Variants in FSTL4 observed in about 807,000 individuals in gnomAD.
The protein encoded by FSTL4 is follistatin like 4.
Under a neutral mutation model 78.2 loss-of-function variants are expected in FSTL4, and 28 were observed. That is an observed-to-expected ratio of 0.36 (90% CI 0.27 to 0.49). FSTL4 has a LOEUF of 0.49. FSTL4 is among the 20% of genes least tolerant of loss of function. The pLI is 0.98. For synonymous variants in FSTL4, 422 were observed against 440.5 expected, an observed-to-expected ratio of 0.96 and a Z score of 0.53; for missense variants, 922 against 1,084.9, an observed-to-expected ratio of 0.85 and a Z score of 2.11.
chr5:133,349,229 CCAAA>C (rs889068068), intron 4 of FSTL4, among the ~76,000 whole-genome samples: 3 of 151,854 alleles, frequency 2.0e-5, no homozygotes, highest in Non-Finnish European at 2.9e-5. Flanking sequence ...GGGAAGAACA[CCAAA>C]CACTCTTTTA....
At chr5:133,479,939 T>C (rs901318498) in intron 3 of FSTL4, among the ~76,000 whole-genome samples, 2 of 152,156 alleles carry the variant, frequency 1.3e-5, no homozygotes, top group African/African-American at 4.8e-5. Flanking sequence ...TGCACAGCAG[T>C]GTGGCTAATG....
chr5:133,464,555 T>C (rs1010886364), intron 3 of FSTL4, among the ~76,000 whole-genome samples: 2 of 152,218 alleles, frequency 1.3e-5, no homozygotes, highest in African/African-American at 2.4e-5. Flanking sequence ...ATTTGACTCC[T>C]GTGGCACAAG....
intron 6 of FSTL4, among the ~76,000 whole-genome samples, chr5:133,258,915 A>G (rs1372783852): frequency 6.6e-6 from 1 of 152,212 alleles, no homozygotes; most frequent in East Asian, 1.9e-4. Context: ...AGAATGTTCT[A>G]ACAAGAGTAG....
At chr5:133,442,327 A>G (rs1209046146) in intron 3 of FSTL4, among the ~76,000 whole-genome samples, 2 of 152,332 alleles carry the variant, frequency 1.3e-5, no homozygotes, top group Admixed American at 6.5e-5. Context: ...TCAGCTCCCA[A>G]TAACTTCTCT....
chr5:133,417,592 A>G (rs1006849122), intron 3 of FSTL4, among the ~76,000 whole-genome samples: 36 of 152,204 alleles, frequency 2.4e-4, no homozygotes, highest in African/African-American at 8.2e-4. Context: ...ACAACTGAAA[A>G]CCAAAGATAA....
the FSTL4 span, among the ~76,000 whole-genome samples, chr5:133,627,970 T>G: frequency 6.6e-6 from 1 of 152,048 alleles, no homozygotes; most frequent in Non-Finnish European, 1.5e-5. Flanking sequence ...TTACATTATA[T>G]AAAACTCACT....
chr5:133,257,146 GC>G (rs1010109554), intron 6 of FSTL4, among the ~76,000 whole-genome samples: 46 of 152,226 alleles, frequency 3.0e-4, no homozygotes, highest in African/African-American at 1.1e-3. Context: ...TATTTATGGA[GC>G]TGGTACCAGG....
chr5:133,528,917 T>C (rs1053981395), intron 3 of FSTL4, among the ~76,000 whole-genome samples: 1 of 152,224 alleles, frequency 6.6e-6, no homozygotes, highest in African/African-American at 2.4e-5. Flanking sequence ...GATGTGGCCA[T>C]GTGATTAAGT....
At chr5:133,487,705 G>A (rs972645284) in intron 3 of FSTL4, among the ~76,000 whole-genome samples, 2 of 152,120 alleles carry the variant, frequency 1.3e-5, no homozygotes, top group African/African-American at 2.4e-5. Context: ...TACAGGTGTG[G>A]CCAGGGACTG....
chr5:133,625,458 G>A, the FSTL4 span, among the ~76,000 whole-genome samples: 1 of 151,160 alleles, frequency 6.6e-6, no homozygotes, highest in Non-Finnish European at 1.5e-5. Context: ...TGTAATAATA[G>A]TCCTTGTTTA....
chr5:133,525,162 G>A (rs1182639336), intron 3 of FSTL4, among the ~76,000 whole-genome samples: 1 of 152,142 alleles, frequency 6.6e-6, no homozygotes, highest in Non-Finnish European at 1.5e-5. Flanking sequence ...GTATCCCTTT[G>A]GTTAGAAATG....
At chr5:133,571,568 C>T (rs536275411) in intron 2 of FSTL4, among the ~76,000 whole-genome samples, 2 of 152,148 alleles carry the variant, frequency 1.3e-5, no homozygotes, top group South Asian at 2.1e-4. Flanking sequence ...AAACTAGAAT[C>T]GAATAAAAGA....
intron 2 of FSTL4, among the ~76,000 whole-genome samples, chr5:133,598,074 A>G (rs1760776840): frequency 6.6e-6 from 1 of 152,104 alleles, no homozygotes; most frequent in Non-Finnish European, 1.5e-5. Context: ...CCCATCACCT[A>G]CCTGCCCACT....
the FSTL4 span, among the ~76,000 whole-genome samples, chr5:133,752,826 G>A: frequency 6.6e-6 from 1 of 152,064 alleles, no homozygotes; most frequent in African/African-American, 2.4e-5. Context: ...ACAGAGAAAA[G>A]CTACCACAGC....
chr5:133,655,362 C>T, the FSTL4 span, among the ~76,000 whole-genome samples: 1,424 of 152,294 alleles, frequency 9.4e-3, 32 homozygotes, highest in African/African-American at 0.033. Flanking sequence ...GGAAACATAA[C>T]CCTGAATCAA....
At chr5:133,241,889 G>A (rs753335045) in intron 7 of FSTL4, among the ~76,000 whole-genome samples, 21 of 152,152 alleles carry the variant, frequency 1.4e-4, no homozygotes, top group Admixed American at 5.9e-4. Flanking sequence ...GATTCCTGTC[G>A]TTGAGACACT....
chr5:133,669,402 G>A, the FSTL4 span, among the ~76,000 whole-genome samples: 1 of 152,220 alleles, frequency 6.6e-6, no homozygotes, highest in South Asian at 2.1e-4. Flanking sequence ...CTGACCAAAA[G>A]TGCTCAGGAG....
the FSTL4 span, among the ~76,000 whole-genome samples, chr5:133,706,189 G>A: frequency 2.6e-5 from 4 of 152,118 alleles, no homozygotes; most frequent in Admixed American, 6.5e-5. Flanking sequence ...TGTTAATTAC[G>A]GGCAATAATA....
At chr5:133,397,181 A>C (rs968815559) in intron 4 of FSTL4, among the ~76,000 whole-genome samples, 1 of 152,276 alleles carries the variant, frequency 6.6e-6, no homozygotes, top group South Asian at 2.1e-4. Context: ...AGTGCCAACT[A>C]ATACACAAAT....
Sources: gnomAD v4.1 joint callset for allele counts (sites outside exome capture counted in the v4.1 genomes callset) on GRCh38, gnomAD v4.1.1 for gene constraint, MANE v1.5 for transcripts, NCBI Gene and HGNC (gene_info 2026-07-23, HGNC 2026-07-21) for gene names.